Variants in ARHGEF4 observed in about 807,000 individuals in gnomAD.
ARHGEF4 encodes Rho guanine nucleotide exchange factor 4, also known as APC-stimulated guanine nucleotide exchange factor 1.
ARHGEF4 carries 119 observed loss-of-function variants against 162.0 expected under a neutral mutation model. The observed-to-expected ratio is 0.73, with a 90% confidence interval of 0.63 to 0.86. ARHGEF4 has a LOEUF of 0.86. ARHGEF4 is among the 40% of genes least tolerant of loss of function. The pLI is 0.00. For missense variants in ARHGEF4, 2,488 were observed against 2,456.0 expected (o/e 1.01, Z -0.28); for synonymous variants, 1,014 against 979.9 (o/e 1.03, Z -0.65).
At chr2:131,031,542 G>A (rs145109315) in intron 5 of ARHGEF4, among the ~76,000 whole-genome samples, 3 of 152,388 alleles carry the variant, frequency 2.0e-5, no homozygotes, top group Non-Finnish European at 4.4e-5. Flanking sequence ...GGCCGTGTCT[G>A]TGTGGGCCCC....
In ARHGEF4 at chr2:131,010,096, G is replaced by C. The variant is rs1175618552; in HGVS notation, c.3986-17849G>C. On this transcript the variant is annotated intron_variant, in intron 4 of 13. Coordinates refer to ENST00000409359, the MANE Select transcript of ARHGEF4 (RefSeq NM_001367493.1). ...ATTCCCCATACCTTCAGAATTCAGG[G>C]GTCAGCCAGAGATTTGGGCAGAGCT... 2.0e-5 allele frequency among the ~76,000 whole-genome samples: 3 copies of C among 152,264 alleles called. No individual in the cohort carries two copies. In the East Asian group the frequency reaches 5.8e-4, roughly 29 times the overall value.
chr2:131,005,229 A>G (rs994213177), intron 4 of ARHGEF4, among the ~76,000 whole-genome samples: 6 of 152,172 alleles, frequency 3.9e-5, no homozygotes, highest in Non-Finnish European at 7.3e-5. Flanking sequence ...CTCTGGGGGC[A>G]GAGCTGACTT....
chr2:130,870,407 C>T (rs1461615587), intron 1 of ARHGEF4, among the ~76,000 whole-genome samples: 3 of 152,178 alleles, frequency 2.0e-5, no homozygotes, highest in African/African-American at 4.8e-5. Context: ...GGGGATGGCT[C>T]AGCTGAGGGG....
At chr2:130,912,456 T>C (rs140843872) in intron 1 of ARHGEF4, among the ~76,000 whole-genome samples, 2 of 152,378 alleles carry the variant, frequency 1.3e-5, no homozygotes, top group Non-Finnish European at 2.9e-5. Context: ...AGGATCATGT[T>C]ATTCCTCATG....
intron 5 of ARHGEF4, among the ~76,000 whole-genome samples, chr2:131,030,136 G>A (rs1457497918): frequency 3.3e-5 from 5 of 152,226 alleles, no homozygotes; most frequent in African/African-American, 1.2e-4. Flanking sequence ...GGGTTCCATG[G>A]CTGGCCTTAT....
In ARHGEF4 at chr2:130,931,060, G is replaced by A; in HGVS notation, c.3661G>A (p.Val1221Met). ...GAAGCCCTGCTTCACCACTGACATG[G>A]TGACATGGGCCCTCCTCTGCATCTC... ...AQKPCFTTDMVTWALLCISAE... is the reference protein window; with the variant it reads ...AQKPCFTTDMMTWALLCISAE... Residue 1221 changes from valine to methionine, a missense_variant, in exon 3 of 14, where the codon GTG becomes ATG. This residue lies in a region of ARHGEF4 where 1,642 missense variants were observed against 1,481.5 expected (regional missense o/e 1.11). Coordinates refer to ENST00000409359, the MANE Select transcript of ARHGEF4 (RefSeq NM_001367493.1). 1 of 1,614,186 alleles carries A rather than the reference G, an allele frequency of 6.2e-7. No individual in the cohort carries two copies.
intron 4 of ARHGEF4, among the ~76,000 whole-genome samples, chr2:130,992,250 A>G (rs553681414): frequency 6.6e-6 from 1 of 152,298 alleles, no homozygotes; most frequent in South Asian, 2.1e-4. Context: ...ATAAGAGAAT[A>G]AAAGCAGGCT....
At chr2:130,971,643 G>A (rs1167437084) in intron 4 of ARHGEF4, among the ~76,000 whole-genome samples, 2 of 143,950 alleles carry the variant, frequency 1.4e-5, no homozygotes, top group African/African-American at 5.2e-5. Flanking sequence ...GGGCAACAGT[G>A]GGAGACTGTC....
rs1317125239 is a variant in ARHGEF4, at chr2:130,916,202, G to A, written c.2256G>A (p.Glu752=). 1 of 1,547,284 alleles carries A rather than the reference G, an allele frequency of 6.5e-7. No individual in the cohort carries two copies. Among genetic ancestry groups the A allele is most frequent in the Non-Finnish European group, 8.7e-7 (1 of 1,146,382 alleles). The change falls in exon 2 of 14, where the codon GAG becomes GAA. Residue 752 remains glutamate (E), a synonymous_variant. Coordinates refer to ENST00000409359, the MANE Select transcript of ARHGEF4 (RefSeq NM_001367493.1). ...RSSGSGERGP[E]EAPEGGAAAA... is the part of the protein sequence containing the mutation. ...CCGGGTCAGGGGAGCGTGGCCCGGA[G>A]GAGGCCCCCGAAGGCGGTGCTGCAG...
At chr2:130,908,272 A>C (rs1230190900) in intron 1 of ARHGEF4, among the ~76,000 whole-genome samples, 1 of 152,210 alleles carries the variant, frequency 6.6e-6, no homozygotes, top group Non-Finnish European at 1.5e-5. Flanking sequence ...CAGTGTATAG[A>C]AATGCTACTG....
intron 4 of ARHGEF4, among the ~76,000 whole-genome samples, chr2:131,018,033 A>T (rs997966371): frequency 1.3e-5 from 2 of 152,236 alleles, no homozygotes; most frequent in Admixed American, 6.5e-5. Context: ...AACATTTCTG[A>T]AAAGAGGAAT....
intron 1 of ARHGEF4, among the ~76,000 whole-genome samples, chr2:130,893,704 AAGG>A (rs1175408282): frequency 6.6e-6 from 1 of 152,148 alleles, no homozygotes; most frequent in Non-Finnish European, 1.5e-5. Context: ...GGAGTTGAAC[AAGG>A]AGGAGAGCCT....
intron 1 of ARHGEF4, among the ~76,000 whole-genome samples, chr2:130,847,719 G>A (rs1681095570): frequency 6.6e-6 from 1 of 152,222 alleles, no homozygotes; most frequent in African/African-American, 2.4e-5. Flanking sequence ...CTCTCTGTGA[G>A]TTCTAGAGTT....
At chr2:131,035,499 AG>A (rs1690202967) in intron 5 of ARHGEF4, 1 of 61,590 alleles carries the variant, frequency 1.6e-5, no homozygotes, top group Non-Finnish European at 2.8e-5. Flanking sequence ...TGCGGGGGCG[AG>A]GGGGGAGGCC....
At chr2:130,872,712 C>G (rs149050967) in intron 1 of ARHGEF4, among the ~76,000 whole-genome samples, 1 of 152,250 alleles carries the variant, frequency 6.6e-6, no homozygotes, top group African/African-American at 2.4e-5. Context: ...CCTGTTGTTT[C>G]GGGATTATGG....
chr2:130,915,633 G>A lies in ARHGEF4; in HGVS notation c.1687G>A (p.Asp563Asn), dbSNP rs2105055543. ...PETTQKSSAIDTSKAAEEAMV... is the reference protein window; with the variant it reads ...PETTQKSSAINTSKAAEEAMV... ...GACCACCCAGAAATCAAGCGCAATA[G>A]ACACTTCAAAGGCAGCCGAAGAAGC... Residue 563 changes from aspartate (D) to asparagine (N), a missense_variant, in exon 2 of 14, where the codon GAC (aspartate) becomes AAC (asparagine). By Grantham distance (23) the Asp-to-Asn change is conservative. Transcript: ENST00000409359. 5.2e-6 allele frequency: 8 copies of A among 1,550,482 alleles called. No homozygotes were observed. Among genetic ancestry groups the A allele is most frequent in the Non-Finnish European group, 7.0e-6 (8 of 1,146,982 alleles).
intron 1 of ARHGEF4, among the ~76,000 whole-genome samples, chr2:130,892,569 C>G: frequency 6.6e-6 from 1 of 152,186 alleles, no homozygotes; most frequent in East Asian, 1.9e-4. Flanking sequence ...AAGTGTAAAA[C>G]AAAGGTCACT....
intron 5 of ARHGEF4, among the ~76,000 whole-genome samples, chr2:131,031,496 A>G (rs896261230): frequency 5.9e-5 from 9 of 152,244 alleles, no homozygotes; most frequent in African/African-American, 2.2e-4. Flanking sequence ...GCAGCTGTGC[A>G]GAAGCCATAG....
Position 130,982,807 on chromosome 2 carries a change from A to T in ARHGEF4, c.3985+36172A>T, listed in dbSNP as rs752294696. 2.5e-4 allele frequency among the ~76,000 whole-genome samples: 38 copies of T among 152,176 alleles called. 1 individual carries two copies. Among genetic ancestry groups the T allele is most frequent in the Non-Finnish European group, 4.4e-4 (30 of 68,032 alleles). On this transcript the variant is annotated intron_variant, in intron 4 of 13. Transcript: ENST00000409359. ...CTTGTTTCATAAATAATCTTTTTAAAGGTGTAATTTGAACTAACTTTTAGA... is the reference window on the plus strand; with the variant it reads ...CTTGTTTCATAAATAATCTTTTTAATGGTGTAATTTGAACTAACTTTTAGA...
Sources: gnomAD v4.1 joint callset for allele counts (sites outside exome capture counted in the v4.1 genomes callset) on GRCh38, gnomAD v4.1.1 for gene constraint, gnomAD v4.1.1 regional missense constraint, MANE v1.5 for transcripts, NCBI Gene and HGNC (gene_info 2026-07-23, HGNC 2026-07-21) for gene names.